QTGAL: variants seen among roughly 807,000 people sequenced by gnomAD.
QTGAL encodes the protein queuosine-tRNA galactosyltransferase, also known as BGnT-like protein 1.
chr17:83,023,667 C>T, the QTGAL span, among the ~76,000 whole-genome samples: 1 of 152,198 alleles, frequency 6.6e-6, no homozygotes, highest in African/African-American at 2.4e-5. Context: ...ACGCTTTGGT[C>T]TCAAAACCAC....
chr17:82,973,597 G>A, the QTGAL span, among the ~76,000 whole-genome samples: 1 of 152,092 alleles, frequency 6.6e-6, no homozygotes, highest in Non-Finnish European at 1.5e-5. Context: ...GGGGTGGGGT[G>A]GGGGTGGACT....
At chr17:82,960,275 T>G in the QTGAL span, 1 of 152,158 alleles carries the variant, frequency 6.6e-6, no homozygotes, top group African/African-American at 2.4e-5. Context: ...CTCAACCCCA[T>G]CACGGCAGGC....
At chr17:82,961,519 G>T in the QTGAL span, among the ~76,000 whole-genome samples, 24 of 152,318 alleles carry the variant, frequency 1.6e-4, no homozygotes, top group African/African-American at 5.1e-4. Flanking sequence ...TCACAGCCAC[G>T]GCTCCTGGAT....
chr17:82,943,751 G>A, the QTGAL span: 1 of 152,206 alleles, frequency 6.6e-6, no homozygotes, highest in East Asian at 1.9e-4. Flanking sequence ...TTGACCTGGT[G>A]GCCAATGGTC....
chr17:83,051,625 C>G, the QTGAL span: 6 of 1,110,836 alleles, frequency 5.4e-6, no homozygotes, highest in Non-Finnish European at 7.2e-6. Context: ...TAGGTGAGCC[C>G]GAGAGGCGGT....
the QTGAL span, among the ~76,000 whole-genome samples, chr17:83,002,753 C>A: frequency 6.6e-6 from 1 of 152,222 alleles, no homozygotes; most frequent in African/African-American, 2.4e-5. Flanking sequence ...TTGTCCACAT[C>A]GCATGCAGCA....
At chr17:83,025,647 G>A in the QTGAL span, among the ~76,000 whole-genome samples, 3 of 139,302 alleles carry the variant, frequency 2.2e-5, no homozygotes, top group East Asian at 4.3e-4. Flanking sequence ...GGACACCGCG[G>A]AGAGTCCACA....
the QTGAL span, among the ~76,000 whole-genome samples, chr17:83,027,009 G>C: frequency 7.4e-5 from 7 of 94,704 alleles, no homozygotes; most frequent in African/African-American, 2.5e-4. Context: ...CACACAGAGC[G>C]GGGCAGGGAG....
the QTGAL span, among the ~76,000 whole-genome samples, chr17:82,998,408 C>T: frequency 0.012 from 1,847 of 152,298 alleles, 43 homozygotes; most frequent in African/African-American, 0.042. Context: ...TGCAGTGGCA[C>T]AATCTCGGCT....
the QTGAL span, among the ~76,000 whole-genome samples, chr17:82,953,369 G>A: frequency 6.6e-6 from 1 of 152,164 alleles, no homozygotes; most frequent in African/African-American, 2.4e-5. Flanking sequence ...GCTACCATCA[G>A]AGAATACTAT....
chr17:83,036,085 C>T, the QTGAL span, among the ~76,000 whole-genome samples: 115 of 152,278 alleles, frequency 7.6e-4, no homozygotes, highest in Admixed American at 1.6e-3. Flanking sequence ...AGATACTGTG[C>T]GGCGTAAACC....
the QTGAL span, among the ~76,000 whole-genome samples, chr17:83,031,684 G>A: frequency 6.6e-6 from 1 of 152,248 alleles, no homozygotes; most frequent in African/African-American, 2.4e-5. Flanking sequence ...CGGTGTGCAG[G>A]GAGGCTCCAC....
At chr17:82,972,146 A>G in the QTGAL span, among the ~76,000 whole-genome samples, 34 of 47,048 alleles carry the variant, frequency 7.2e-4, no homozygotes, top group East Asian at 9.8e-4. Flanking sequence ...AGGACCTGGT[A>G]CTGACCACAC....
At chr17:83,007,606 C>A in the QTGAL span, among the ~76,000 whole-genome samples, 5 of 152,058 alleles carry the variant, frequency 3.3e-5, no homozygotes. Flanking sequence ...CAGCCCACTC[C>A]TGAGAGCCTG....
the QTGAL span, among the ~76,000 whole-genome samples, chr17:82,998,141 A>T: frequency 2.6e-5 from 4 of 152,102 alleles, no homozygotes; most frequent in South Asian, 8.3e-4. Context: ...ACAAAGGATA[A>T]ATGCTTGAGG....
chr17:82,967,528 C>T, the QTGAL span, among the ~76,000 whole-genome samples: 3 of 152,118 alleles, frequency 2.0e-5, no homozygotes, highest in East Asian at 3.9e-4. Context: ...TGGAGACATT[C>T]GGGGCTGTCA....
the QTGAL span, chr17:83,005,882 A>C: frequency 7.3e-7 from 1 of 1,364,402 alleles, no homozygotes. This position sits in a 1 kb window ranked among gnomAD's most constrained non-coding sequence, Gnocchi z 5.6. Flanking sequence ...CTCCAGCCTG[A>C]CCTCTGCCCC....
chr17:82,965,092 C>A, the QTGAL span, among the ~76,000 whole-genome samples: 1 of 146,242 alleles, frequency 6.8e-6, no homozygotes, highest in Admixed American at 6.7e-5. Context: ...AGGACGGGGA[C>A]ACGGATGCCT....
At chr17:83,049,962 C>T in the QTGAL span, among the ~76,000 whole-genome samples, 1 of 152,018 alleles carries the variant, frequency 6.6e-6, no homozygotes, top group Non-Finnish European at 1.5e-5. Context: ...CTGTCCTCAC[C>T]CTTAATTTAT....
Sources: allele counts gnomAD v4.1 joint callset (sites outside exome capture counted in the v4.1 genomes callset), GRCh38; gene constraint gnomAD v4.1.1; non-coding constraint Gnocchi (gnomAD v3.1); transcripts MANE v1.5; gene names NCBI Gene and HGNC (gene_info 2026-07-23, HGNC 2026-07-21).